Variants in THRB observed in about 807,000 individuals in gnomAD.
THRB encodes nuclear receptor subfamily 1 group A member 2.
In THRB, 12 loss-of-function variants were observed where a neutral mutation model predicts 47.8. The ratio of observed to expected loss-of-function variants is 0.25; its 90% CI spans 0.16 to 0.41. The LOEUF (loss-of-function observed/expected upper bound fraction) is 0.41. Ranked by LOEUF, THRB falls within the 10% of genes least tolerant of loss-of-function variation. The pLI is 1.00. For missense variants in THRB, 348 were observed against 589.2 expected (o/e 0.59, Z 4.24); for synonymous variants, 218 against 212.2 (o/e 1.03, Z -0.24).
chr3:24,140,967 A>T (rs904766382), intron 8 of THRB, among the ~76,000 whole-genome samples: 1 of 152,224 alleles, frequency 6.6e-6, no homozygotes, highest in Non-Finnish European at 1.5e-5. Flanking sequence ...GCTGACAGAA[A>T]TGAAGTTCAT....
At chr3:24,232,000 G>A (rs1464869574) in intron 3 of THRB, among the ~76,000 whole-genome samples, 1 of 152,198 alleles carries the variant, frequency 6.6e-6, no homozygotes, top group Non-Finnish European at 1.5e-5. Flanking sequence ...GCTAATGAAG[G>A]ATTGACACCT....
intron 5 of THRB, among the ~76,000 whole-genome samples, chr3:24,160,602 G>A (rs534894907): frequency 6.6e-6 from 1 of 152,276 alleles, no homozygotes; most frequent in African/African-American, 2.4e-5. Context: ...ACAGCGCACG[G>A]GAAGGTCAGC....
chr3:24,345,010 G>C (rs927810124), intron 1 of THRB, among the ~76,000 whole-genome samples: 5 of 152,052 alleles, frequency 3.3e-5, no homozygotes, highest in Non-Finnish European at 7.4e-5. Flanking sequence ...TTGCTCCCTA[G>C]TATCCTGGAT....
intron 2 of THRB, among the ~76,000 whole-genome samples, chr3:24,300,002 A>G (rs2056820690): frequency 6.6e-6 from 1 of 151,648 alleles, no homozygotes; most frequent in South Asian, 2.1e-4. Context: ...TTTCTCACTT[A>G]CTCAGCAATG....
intron 1 of THRB, among the ~76,000 whole-genome samples, chr3:24,479,357 A>T (rs959541278): frequency 6.6e-6 from 1 of 152,196 alleles, no homozygotes; most frequent in Admixed American, 6.5e-5. Flanking sequence ...TATATTGCAC[A>T]GGGCAGCCCC....
At chr3:24,252,425 G>A (rs1310812225) in intron 3 of THRB, among the ~76,000 whole-genome samples, 1 of 151,934 alleles carries the variant, frequency 6.6e-6, no homozygotes, top group Non-Finnish European at 1.5e-5. Context: ...AATCACAGTT[G>A]AATCTATAAC....
intron 3 of THRB, among the ~76,000 whole-genome samples, chr3:24,281,838 A>C (rs1374679218): frequency 1.3e-5 from 2 of 151,568 alleles, no homozygotes; most frequent in Non-Finnish European, 2.9e-5. Flanking sequence ...GAGACAAAGA[A>C]GGCCATTATT....
chr3:24,402,913 A>G (rs564385255), intron 1 of THRB, among the ~76,000 whole-genome samples: 9 of 152,208 alleles, frequency 5.9e-5, no homozygotes, highest in Middle Eastern at 3.4e-3. Flanking sequence ...GTTGGAGACA[A>G]CTTGACAATA....
intron 1 of THRB, chr3:24,455,212 C>G (rs1245586451): frequency 6.9e-6 from 1 of 145,268 alleles, no homozygotes; most frequent in East Asian, 2.2e-4. Flanking sequence ...TGAACACTTA[C>G]ACCAATCACC....
chr3:24,143,605 G>T lies in THRB; in HGVS notation c.634C>A (p.Pro212Thr). 4 of 1,614,204 alleles carry T rather than the reference G, an allele frequency of 2.5e-6. No individual in the cohort carries two copies. The highest frequency in any genetic ancestry group is 3.4e-6 in the Non-Finnish European group (4 of 1,180,032). Residue 212 changes from proline (P) to threonine (T), a missense_variant, in exon 8 of 11, where the codon CCA becomes ACA. Coordinates refer to ENST00000646209, the MANE Select transcript of THRB (RefSeq NM_001354712.2). ...EELQKSIGHK[P>T]EPTDEEWELI... is the part of the protein sequence containing the mutation. ...TCCCATTCCTCGTCTGTGGGCTCTG[G>T]CTTGTGCCCGATGGACTTCTGCAGC...
intron 3 of THRB, among the ~76,000 whole-genome samples, chr3:24,281,584 A>T: frequency 7.2e-6 from 1 of 139,658 alleles, no homozygotes; most frequent in African/African-American, 2.6e-5. Flanking sequence ...ACACATAACA[A>T]TATTAACTTT....
At chr3:24,159,565 A>AT (rs1247048576) in intron 5 of THRB, among the ~76,000 whole-genome samples, 2 of 152,152 alleles carry the variant, frequency 1.3e-5, no homozygotes, top group Non-Finnish European at 2.9e-5. Context: ...TGGAGGAGGG[A>AT]TTTTAACATT....
At chr3:24,250,720 T>C (rs2050581513) in intron 3 of THRB, among the ~76,000 whole-genome samples, 1 of 151,774 alleles carries the variant, frequency 6.6e-6, no homozygotes, top group Non-Finnish European at 1.5e-5. Context: ...AAAAGAGAAA[T>C]AGATGAAGTC....
At position 24,127,578 on chromosome 3, in the gene THRB, G is replaced by T; in HGVS notation, c.1065C>A (p.Asp355Glu). ...GLGVVSDAIF[D>E]LGMSLSSFNL... Reference sequence around the variant, plus strand: ...TGAAAGAAGACAGAGACATGCCCAGGTCAAAGATGGCGTCTGACACCACCC... The same window carrying T: ...TGAAAGAAGACAGAGACATGCCCAGTTCAAAGATGGCGTCTGACACCACCC... Residue 355 changes from aspartate (D) to glutamate (E), a missense_variant, in exon 10 of 11, where the codon GAC (aspartate) becomes GAA (glutamate). This residue lies in a region of THRB where 45 missense variants were observed against 156.2 expected (regional missense o/e 0.29). Transcript: ENST00000646209. 6.2e-7 allele frequency: 1 copy of T among 1,614,156 alleles called. No homozygotes were observed. Among genetic ancestry groups the T allele is most frequent in the South Asian group, 1.1e-5 (1 of 91,076 alleles).
intron 2 of THRB, among the ~76,000 whole-genome samples, chr3:24,323,931 C>T (rs1430249294): frequency 6.6e-6 from 1 of 152,142 alleles, no homozygotes; most frequent in Non-Finnish European, 1.5e-5. Context: ...AGGATTAAAC[C>T]ATAAGCAGTA....
chr3:24,220,683 C>T (rs1192497305), intron 4 of THRB, among the ~76,000 whole-genome samples: 1 of 151,574 alleles, frequency 6.6e-6, no homozygotes, highest in Admixed American at 6.6e-5. Flanking sequence ...ACTAAATTTG[C>T]TGAGATTTTA....
intron 1 of THRB, among the ~76,000 whole-genome samples, chr3:24,481,259 C>CTTTTTTTG (rs1696371576): frequency 2.3e-5 from 1 of 43,312 alleles, no homozygotes; most frequent in Non-Finnish European, 4.1e-5. Context: ...TTTTTTTTTA[C>CTTTTTTTG]GGAAAAAGAA....
intron 5 of THRB, among the ~76,000 whole-genome samples, chr3:24,179,012 C>A (rs1000410221): frequency 6.6e-6 from 1 of 152,116 alleles, no homozygotes; most frequent in Non-Finnish European, 1.5e-5. Context: ...GAGGAAGAAG[C>A]AGACTAAAGA....
Position 24,228,962 on chromosome 3 carries a change from G to A in THRB, c.-3C>T, listed in dbSNP as rs1340017386. ...CCTGTCATACTGTTGGGAGTCATAG[G>A]TTAGTAATCATTCTGGATCCCTTTT... On this transcript the variant is annotated 5_prime_UTR_variant, in exon 4 of 11. Transcript: ENST00000646209. 1 of 1,612,110 alleles carries A rather than the reference G, an allele frequency of 6.2e-7. No individual in the cohort carries two copies. Among genetic ancestry groups the A allele is most frequent in the Non-Finnish European group, 8.5e-7 (1 of 1,178,800 alleles).
Sources: allele counts gnomAD v4.1 joint callset (sites outside exome capture counted in the v4.1 genomes callset), GRCh38; gene constraint gnomAD v4.1.1; regional missense constraint gnomAD v4.1.1; transcripts MANE v1.5; gene names NCBI Gene and HGNC (gene_info 2026-07-23, HGNC 2026-07-21).